The following LRRC25 variants were observed in gnomAD, a reference collection of about 807,000 sequenced individuals.
LRRC25 encodes the protein leucine-rich repeat-containing protein 25.
In LRRC25, 5 loss-of-function variants were observed where a neutral mutation model predicts 18.8. The ratio of observed to expected loss-of-function variants is 0.27; its 90% CI spans 0.14 to 0.56. The LOEUF is 0.56. Among genes scored for constraint, LRRC25 ranks in the 20% least tolerant of loss-of-function variants. LRRC25 has a pLI of 0.93. For synonymous variants in LRRC25, 161 were observed against 176.8 expected (o/e 0.91, Z 0.71); for missense variants, 341 against 389.8 (o/e 0.87, Z 1.05).
chr19:18,391,979 T>C lies in LRRC25; in HGVS notation c.*8A>G. 2 of 1,613,036 alleles carry C rather than the reference T, an allele frequency of 1.2e-6. No individual in the cohort carries two copies. Among genetic ancestry groups the C allele is most frequent in the Non-Finnish European group, 1.7e-6 (2 of 1,179,384 alleles). ...GGGGTTCTGGGTGGAGGTTAGGACA[T>C]CTTAGGCTCAGTGCCCGGGGATCAC... On this transcript the variant is annotated 3_prime_UTR_variant, in exon 2 of 2. Coordinates refer to ENST00000339007, the MANE Select transcript of LRRC25 (RefSeq NM_145256.3).
At chr19:18,395,704 C>G (rs1341893278) in intron 1 of LRRC25, among the ~76,000 whole-genome samples, 1 of 151,960 alleles carries the variant, frequency 6.6e-6, no homozygotes, top group Non-Finnish European at 1.5e-5. Flanking sequence ...CTGTAATTCT[C>G]CCTCATTTTA....
In LRRC25 at chr19:18,396,264, G is replaced by T. The variant is rs34439430; in HGVS notation, c.700C>A (p.Pro234Thr). The change falls in exon 1 of 2, where the codon CCA becomes ACA. Residue 234 changes from proline (P) to threonine (T), a missense_variant. By Grantham distance (38) the Pro-to-Thr change is conservative. Coordinates refer to ENST00000339007, the MANE Select transcript of LRRC25 (RefSeq NM_145256.3). ...TAGTCGGGAGTGGAGGGGCAGGATG[G>T]CACGGCCACTTGGGGCTTGGGGGCG... The part of the protein sequence containing the change: ...RSAPKPQVAV[P>T]SCPSTPDYEN... The T allele has an allele frequency of 3.8e-3, 6,169 of 1,613,616 alleles. 146 individuals are homozygous for T. In the African/African-American group the frequency reaches 0.058, roughly 15 times the overall value.
rs1971983027 is a variant in LRRC25 at position 18,397,218 on chromosome 19, CCTT to C, written c.-258_-256del. ...AGGAGGAGATCCGGGCCAGTTAACC[CCTT>C]CTTCTATGTCCTGAACATTTGGGGC... On this transcript the variant is annotated 5_prime_UTR_variant, in exon 1 of 2. Coordinates refer to ENST00000339007, the MANE Select transcript of LRRC25 (RefSeq NM_145256.3). 4 of 555,998 alleles carry C rather than the reference CCTT, an allele frequency of 7.2e-6. No individual in the cohort carries two copies. The highest frequency in any genetic ancestry group is 2.3e-5 in the South Asian group (1 of 43,500). The allele number at this position is 555,998 out of a possible 1,614,324, so 34.4% of individuals were successfully genotyped here. A position where few individuals can be genotyped will look rare whatever the true frequency, so the allele number is the denominator to read the frequency against.
At chr19:18,392,191 C>T (rs1971910651) in intron 1 of LRRC25, 66 bp from the exon 2 acceptor site, 2 of 1,561,244 alleles carry the variant, frequency 1.3e-6, no homozygotes, top group African/African-American at 1.4e-5. Flanking sequence ...GGCACATGAG[C>T]TTTGAGAAAG....
chr19:18,396,831 A>G lies in LRRC25; in HGVS notation c.133T>C (p.Phe45Leu). Residue 45 changes from phenylalanine (F) to leucine (L), a missense_variant, in exon 1 of 2, where the codon TTC becomes CTC. By Grantham distance (22) the Phe-to-Leu change is conservative. Coordinates refer to ENST00000339007, the MANE Select transcript of LRRC25 (RefSeq NM_145256.3). ...GGCAGGCTCAGGCTGAGGCCACTGA[A>G]ATTCAGGCACGTGGCACTGAACTCC... is the stretch of plus-strand genomic sequence containing the variant. The part of the protein sequence containing the change: ...NAEFSATCLN[F>L]SGLSLSLPHN... 6.2e-7 allele frequency: 1 copy of G among 1,613,962 alleles called. No homozygotes were observed. The highest frequency in any genetic ancestry group is 8.5e-7 in the Non-Finnish European group (1 of 1,180,020).
In LRRC25 at chr19:18,396,290, C is replaced by T. The variant is rs747853006; in HGVS notation, c.674G>A (p.Ser225Asn). Residue 225 changes from serine (S) to asparagine (N), a missense_variant, in exon 1 of 2, where the codon AGC becomes AAC. Ser to Asn is a conservative substitution (Grantham distance 46). Transcript: ENST00000339007. ...LGLQPRYGSR[S>N]APKPQVAVPS... The stretch of plus-strand genomic sequence containing the variant: ...CACGGCCACTTGGGGCTTGGGGGCG[C>T]TCCGGCTGCCGTACCGTGGCTGCAA... The T allele has an allele frequency of 3.8e-5, 62 of 1,612,138 alleles. No individual in the cohort carries two copies. The South Asian group carries it at 6.7e-4, about 17-fold the overall frequency.
At position 18,397,105 on chromosome 19, in the gene LRRC25, G is replaced by T. The variant is rs1971981950; in HGVS notation, c.-142C>A. 1 of 898,404 alleles carries T rather than the reference G, an allele frequency of 1.1e-6. No individual in the cohort carries two copies. Among genetic ancestry groups the T allele is most frequent in the Non-Finnish European group, 1.6e-6 (1 of 608,564 alleles). The allele number at this position is 898,404 out of a possible 1,614,324, so 55.7% of individuals were successfully genotyped here. A position where few individuals can be genotyped will look rare whatever the true frequency, so the allele number is the denominator to read the frequency against. On this transcript the variant is annotated 5_prime_UTR_variant, in exon 1 of 2. Coordinates refer to ENST00000339007, the MANE Select transcript of LRRC25 (RefSeq NM_145256.3). Reference sequence around the variant, plus strand: ...AAATGGTAAAACGCAGCCCCAGTCTGGTCGCCTCCTTTGGCTGGTGGGCTG... The same window carrying T: ...AAATGGTAAAACGCAGCCCCAGTCTTGTCGCCTCCTTTGGCTGGTGGGCTG...
chr19:18,396,160 G>C (rs368064237), intron 1 of LRRC25, 25 bp downstream of exon 1: 22 of 1,563,430 alleles, frequency 1.4e-5, no homozygotes, highest in Non-Finnish European at 1.9e-5. Flanking sequence ...CACCACTTTG[G>C]CAGGTGTCTC....
At chr19:18,395,768 T>G (rs1452713618) in intron 1 of LRRC25, among the ~76,000 whole-genome samples, 3 of 152,208 alleles carry the variant, frequency 2.0e-5, no homozygotes, top group African/African-American at 7.2e-5. Context: ...TCACCCAGGC[T>G]GGAGTGCAAT....
chr19:18,396,849 T>C lies in LRRC25; in HGVS notation c.115A>G (p.Ser39Gly). The C allele has an allele frequency of 6.2e-7, 1 of 1,613,924 alleles. No individual in the cohort carries two copies. The highest frequency in any genetic ancestry group is 1.3e-5 in the African/African-American group (1 of 75,046). Residue 39 changes from serine (S) to glycine (G), a missense_variant, in exon 1 of 2, where the codon AGT (serine) becomes GGT (glycine). By Grantham distance (56) the Ser-to-Gly change is moderately conservative. Coordinates refer to ENST00000339007, the MANE Select transcript of LRRC25 (RefSeq NM_145256.3). ...SADVDWNAEF[S>G]ATCLNFSGLS... ...CCACTGAAATTCAGGCACGTGGCACTGAACTCCGCGTTCCAGTCCACATCC... is the reference window on the plus strand; with the variant it reads ...CCACTGAAATTCAGGCACGTGGCACCGAACTCCGCGTTCCAGTCCACATCC...
rs773423481 is a variant in LRRC25, at chr19:18,396,532, G to T, written c.432C>A (p.Ser144Arg). The change falls in exon 1 of 2, where the codon AGC becomes AGA. Residue 144 changes from serine to arginine, a missense_variant. Transcript: ENST00000339007. The stretch of plus-strand genomic sequence containing the variant: ...GGAAGGCAGAGAGGTTGTGCTGGGA[G>T]CTGGTTGTGTCCCAGCAGAGCAGAG... ...QKPLLCWDTT[S>R]SQHNLSAFLE... is the part of the protein sequence containing the mutation. 1.2e-6 allele frequency: 2 copies of T among 1,613,586 alleles called. No homozygotes were observed. The highest frequency in any genetic ancestry group is 2.7e-5 in the African/African-American group (2 of 74,920).
chr19:18,395,936 G>C (rs1306143600), intron 1 of LRRC25, among the ~76,000 whole-genome samples: 1 of 152,120 alleles, frequency 6.6e-6, no homozygotes, highest in African/African-American at 2.4e-5. Flanking sequence ...GGCCAGGCTG[G>C]TCTCAAACTC....
rs551461923 is a variant in LRRC25 at position 18,391,995 on chromosome 19, C to A, written c.910G>T (p.Gly304Trp). ...GTTAGGACATCTTAGGCTCAGTGCCCGGGGATCACGTACTCCTCTTCATCC... is the reference window on the plus strand; with the variant it reads ...GTTAGGACATCTTAGGCTCAGTGCCAGGGGATCACGTACTCCTCTTCATCC... Reference protein sequence around the residue: ...PMDEEEYVIPGH With the variant: ...PMDEEEYVIPWH Residue 304 changes from glycine (G) to tryptophan (W), a missense_variant, in exon 2 of 2, where the codon GGG becomes TGG. Gly to Trp is a radical substitution (Grantham distance 184). Coordinates refer to ENST00000339007, the MANE Select transcript of LRRC25 (RefSeq NM_145256.3). 6.2e-7 allele frequency: 1 copy of A among 1,613,744 alleles called. No homozygotes were observed.
chr19:18,394,762 A>G (rs1971946608), intron 1 of LRRC25, among the ~76,000 whole-genome samples: 1 of 151,928 alleles, frequency 6.6e-6, no homozygotes, highest in Non-Finnish European at 1.5e-5. Context: ...GAAAAGTTCA[A>G]CTCATTTGTC....
chr19:18,396,946 T>C lies in LRRC25; in HGVS notation c.18A>G (p.Ala6=). 1 of 1,607,612 alleles carries C rather than the reference T, an allele frequency of 6.2e-7. No homozygotes were observed. The highest frequency in any genetic ancestry group is 8.5e-7 in the Non-Finnish European group (1 of 1,176,676). MGGTL[A]WTLLLPLLLR... ...GCAGCAGCGGCAACAGCAGCGTCCA[T>C]GCCAGGGTGCCCCCCATTCAAGCAA... is the stretch of plus-strand genomic sequence containing the variant. The change falls in exon 1 of 2, where the codon GCA becomes GCG. Residue 6 remains alanine, a synonymous_variant. Transcript: ENST00000339007.
At chr19:18,394,872 G>C (rs1971947909) in intron 1 of LRRC25, among the ~76,000 whole-genome samples, 1 of 152,076 alleles carries the variant, frequency 6.6e-6, no homozygotes, top group Non-Finnish European at 1.5e-5. Context: ...GAGGCCAAGA[G>C]TTTGAGACCA....
At chr19:18,392,248 T>G in intron 1 of LRRC25, 123 bp from the exon 2 acceptor site, 2 of 1,001,424 alleles carry the variant, frequency 2.0e-6, no homozygotes, top group Non-Finnish European at 3.1e-6. Context: ...ATCCAGCACT[T>G]TGGGAGGCTG....
In LRRC25 at chr19:18,392,042, T is replaced by C. The variant is rs1178304609; in HGVS notation, c.863A>G (p.Gln288Arg). The C allele has an allele frequency of 6.2e-7, 1 of 1,614,040 alleles. No homozygotes were observed. The highest frequency in any genetic ancestry group is 1.3e-5 in the African/African-American group (1 of 74,934). ...ATCCATTGGGGCCTGGCCCAGTGAC[T>C]GCAGGTTACAGTAGACAGGCTGGGA... is the stretch of plus-strand genomic sequence containing the variant. Reference protein sequence around the residue: ...LASQPVYCNLQSLGQAPMDEE... With the variant: ...LASQPVYCNLRSLGQAPMDEE... The change falls in exon 2 of 2, where the codon CAG becomes CGG. Residue 288 changes from glutamine (Q) to arginine (R), a missense_variant. Physicochemically the swap from Gln to Arg is conservative, Grantham distance 43 (BLOSUM62 1). Coordinates refer to ENST00000339007, the MANE Select transcript of LRRC25 (RefSeq NM_145256.3).
rs1023773855 is a variant in LRRC25, at chr19:18,391,775, G to T, written c.*212C>A. 3 of 530,334 alleles carry T rather than the reference G, an allele frequency of 5.7e-6. No homozygotes were observed. The highest frequency in any genetic ancestry group is 1.0e-5 in the Non-Finnish European group (3 of 294,970). 32.9% of individuals were successfully genotyped at this position (530,334 alleles called of 1,614,324 possible). ...TGACCGTCCTGTCCCCTTGTTGGGG[G>T]TCTCTCCTCTTCCCCCTCTAGGAGC... On this transcript the variant is annotated 3_prime_UTR_variant, in exon 2 of 2. Transcript: ENST00000339007.
Sources: allele counts gnomAD v4.1 joint callset (sites outside exome capture counted in the v4.1 genomes callset), GRCh38; gene constraint gnomAD v4.1.1; transcripts MANE v1.5; gene names NCBI Gene and HGNC (gene_info 2026-07-23, HGNC 2026-07-21).